Variants in HMGXB3 observed in about 807,000 individuals in gnomAD.
HMGXB3 encodes the protein HMG domain-containing protein 3.
Under a neutral mutation model 121.5 loss-of-function variants are expected in HMGXB3, and 45 were observed. That is an observed-to-expected ratio of 0.37 (90% confidence interval 0.29 to 0.47). HMGXB3 has a LOEUF of 0.47. HMGXB3 is among the 20% of genes least tolerant of loss of function. The pLI is 0.99. For missense variants in HMGXB3, 1,376 were observed against 1,602.2 expected (o/e 0.86, Z 2.41); for synonymous variants, 590 against 624.1 (o/e 0.95, Z 0.81).
chr5:150,019,525 C>A (rs1460499378), intron 6 of HMGXB3, among the ~76,000 whole-genome samples: 2 of 152,148 alleles, frequency 1.3e-5, no homozygotes, highest in South Asian at 2.1e-4. Context: ...ATACTTGCCA[C>A]ATTTTTTATA....
At chr5:150,049,710 T>C (rs866457314) in intron 18 of HMGXB3, among the ~76,000 whole-genome samples, 1 of 152,110 alleles carries the variant, frequency 6.6e-6, no homozygotes, top group African/African-American at 2.4e-5. Flanking sequence ...GACAGCCAAG[T>C]GGGTGTACCC....
chr5:150,005,248 A>G lies in HMGXB3; in HGVS notation c.137+259A>G, dbSNP rs191597927. Among the ~76,000 whole-genome samples, 205 of 152,366 alleles carry G rather than the reference A, an allele frequency of 1.3e-3. 1 individual carries two copies. The highest frequency in any genetic ancestry group is 9.8e-4 in the Non-Finnish European group (67 of 68,038). On this transcript the variant is annotated intron_variant, in intron 2 of 19. Transcript: ENST00000502717. ...TAGGTACAAAAGAGCTACATTATTT[A>G]TTATTATGCCATTGTTGTTATTTAA... is the stretch of plus-strand genomic sequence containing the variant.
intron 3 of HMGXB3, among the ~76,000 whole-genome samples, chr5:150,008,044 G>A (rs931968502): frequency 7.0e-6 from 1 of 142,514 alleles, no homozygotes; most frequent in Non-Finnish European, 1.5e-5. Flanking sequence ...GCAACAGAGT[G>A]AGACTCTGTT....
intron 13 of HMGXB3, 148 bp downstream of exon 13, chr5:150,037,675 C>T: frequency 3.3e-6 from 2 of 601,244 alleles, no homozygotes; most frequent in Non-Finnish European, 4.9e-6. Flanking sequence ...ATGTCTTAGT[C>T]CCACAAGATG....
chr5:150,051,808 C>T lies in HMGXB3; in HGVS notation c.3495C>T (p.Thr1165=), dbSNP rs199839306. ...AGCACTCTATCCAGCACCCAGTCAC[C>T]AAGACTGCCACGCGGCGCATCGTCC... ...ETEHSIQHPV[T]KTATRRIVHA... The change falls in exon 20 of 20, where the codon ACC becomes ACT. Residue 1165 remains threonine (T), a synonymous_variant. Transcript: ENST00000502717. The T allele has an allele frequency of 1.3e-6, 2 of 1,548,150 alleles. No homozygotes were observed. The highest frequency in any genetic ancestry group is 1.4e-5 in the African/African-American group (1 of 73,066).
At position 150,027,013 on chromosome 5, in the gene HMGXB3, C is replaced by T. The variant is rs893389349; in HGVS notation, c.1637-7C>T. On this transcript the variant is annotated splice_region_variant and splice_polypyrimidine_tract_variant and intron_variant, in intron 8 of 19. Coordinates refer to ENST00000502717, the MANE Select transcript of HMGXB3 (RefSeq NM_014983.3). ...TAAGTCACCAGTTTGGCTCCTGGTT[C>T]TCTCAGATAAGACTCCCTCTGTGAG... The T allele has an allele frequency of 1.3e-6, 2 of 1,551,178 alleles. No individual in the cohort carries two copies. The highest frequency in any genetic ancestry group is 1.4e-5 in the African/African-American group (1 of 73,022).
In HMGXB3 at chr5:150,032,509, G is replaced by A; in HGVS notation, c.1889G>A (p.Ser630Asn). The A allele has an allele frequency of 1.3e-6, 2 of 1,551,890 alleles. No individual in the cohort carries two copies. Among genetic ancestry groups the A allele is most frequent in the Non-Finnish European group, 1.7e-6 (2 of 1,147,014 alleles). ...GRGKCKNPSC[S>N]YVYTNRHKPR... is the part of the protein sequence containing the mutation. ...GGAAAGTGCAAGAATCCCTCTTGTA[G>A]CTATGTCTACACCAACAGGCACAAA... Residue 630 changes from serine (S) to asparagine (N), a missense_variant, in exon 11 of 20, where the codon AGC (serine) becomes AAC (asparagine). By Grantham distance (46) the Ser-to-Asn change is conservative (BLOSUM62 1). Coordinates refer to ENST00000502717, the MANE Select transcript of HMGXB3 (RefSeq NM_014983.3).
chr5:150,016,672 A>G (rs1755968149), intron 5 of HMGXB3, among the ~76,000 whole-genome samples: 1 of 152,056 alleles, frequency 6.6e-6, no homozygotes, highest in African/African-American at 2.4e-5. Context: ...TAGATAGCAT[A>G]TAGTTTCAAT....
intron 15 of HMGXB3, among the ~76,000 whole-genome samples, 189 bp downstream of exon 15, chr5:150,042,158 A>G (rs1209292401): frequency 6.6e-6 from 1 of 152,252 alleles, no homozygotes; most frequent in Non-Finnish European, 1.5e-5. Context: ...TTGTTTATTC[A>G]GTTACTCACT....
At chr5:150,038,869 G>A (rs189513043) in intron 13 of HMGXB3, among the ~76,000 whole-genome samples, 7 of 152,284 alleles carry the variant, frequency 4.6e-5, no homozygotes, top group East Asian at 1.9e-4. Flanking sequence ...GTTTGCTACC[G>A]GTGTTTGGCA....
chr5:150,032,090 T>C (rs1376055876), intron 10 of HMGXB3, among the ~76,000 whole-genome samples: 2 of 150,218 alleles, frequency 1.3e-5, no homozygotes. Flanking sequence ...AGTCACAGTT[T>C]GTCTTCAGGC....
rs1488755489 is a variant in HMGXB3 at position 150,020,573 on chromosome 5, G to GT, written c.1041+1884dup. Among the ~76,000 whole-genome samples the GT allele has an allele frequency of 4.0e-5, 6 of 151,468 alleles. No individual in the cohort carries two copies. In the East Asian group the frequency reaches 7.7e-4, roughly 20 times the overall value. ...TTCTTTTTCATTTCTTGTATGTGTG[G>GT]TTTTTTTTCCACTTTGAAATAACTT... On this transcript the variant is annotated intron_variant, in intron 6 of 19. Coordinates refer to ENST00000502717, the MANE Select transcript of HMGXB3 (RefSeq NM_014983.3).
chr5:150,047,500 C>G (rs1756785176), intron 16 of HMGXB3, 124 bp from the exon 17 acceptor site: 8 of 1,146,036 alleles, frequency 7.0e-6, no homozygotes, highest in Non-Finnish European at 9.8e-6. Flanking sequence ...AGTTCCACCT[C>G]TGCCAGCACT....
rs1379478265 is a variant in HMGXB3 at position 150,012,248 on chromosome 5, C to A, written c.811-7C>A. 1.3e-6 allele frequency: 2 copies of A among 1,545,836 alleles called. No individual in the cohort carries two copies. Among genetic ancestry groups the A allele is most frequent in the Non-Finnish European group, 1.8e-6 (2 of 1,141,240 alleles). ...AGTGAAACTGTCCTTCTCTTCATTG[C>A]CCATAGGATTCCAGTGAGAGTAGCT... On this transcript the variant is annotated splice_region_variant and splice_polypyrimidine_tract_variant and intron_variant, in intron 4 of 19. Transcript: ENST00000502717.
chr5:150,028,555 ATATAT>A (rs1429303056), intron 9 of HMGXB3, among the ~76,000 whole-genome samples: 3 of 57,116 alleles, frequency 5.3e-5, no homozygotes, highest in African/African-American at 9.8e-5. Context: ...ATATATATAT[ATATAT>A]TTTTTTTTTT....
At chr5:150,021,160 A>G (rs1247539229) in intron 6 of HMGXB3, among the ~76,000 whole-genome samples, 6 of 152,204 alleles carry the variant, frequency 3.9e-5, no homozygotes, top group Non-Finnish European at 8.8e-5. Flanking sequence ...GTGTTCTGCA[A>G]GGATTACCAT....
At position 150,010,306 on chromosome 5, in the gene HMGXB3, G is replaced by T; in HGVS notation, c.508G>T (p.Glu170Ter). 2 of 1,551,778 alleles carry T rather than the reference G, an allele frequency of 1.3e-6. No individual in the cohort carries two copies. Among genetic ancestry groups the T allele is most frequent in the Non-Finnish European group, 1.7e-6 (2 of 1,147,006 alleles). The change falls in exon 4 of 20, where the codon GAG becomes TAG. Residue 170 changes from glutamate to a stop codon, truncating the protein, a stop_gained. Transcript: ENST00000502717. LOFTEE classifies it high-confidence loss of function. ...GPPLVSNTAP[E>*]TVPSHAGMAE... ...TCCTCTTGTGTCCAACACTGCCCCG[G>T]AGACAGTGCCCAGCCATGCAGGCAT...
chr5:150,001,431 C>G (rs1222180021), intron 1 of HMGXB3, among the ~76,000 whole-genome samples: 2 of 152,176 alleles, frequency 1.3e-5, no homozygotes, highest in Non-Finnish European at 2.9e-5. Context: ...AAACTGTGGC[C>G]CATGGCTGAG....
intron 5 of HMGXB3, among the ~76,000 whole-genome samples, chr5:150,015,443 C>G (rs1755938781): frequency 6.6e-6 from 1 of 152,186 alleles, no homozygotes; most frequent in South Asian, 2.1e-4. Flanking sequence ...TACCACCACA[C>G]CCAGCTAATT....
Sources: gnomAD v4.1 joint callset for allele counts (sites outside exome capture counted in the v4.1 genomes callset) on GRCh38, gnomAD v4.1.1 for gene constraint, MANE v1.5 for transcripts, NCBI Gene and HGNC (gene_info 2026-07-23, HGNC 2026-07-21) for gene names.